LRP1B: variants seen among roughly 807,000 people sequenced by gnomAD.
LRP1B encodes the protein low-density lipoprotein receptor-related protein 1B.
Under a neutral mutation model 556.6 loss-of-function variants are expected in LRP1B, and 217 were observed. The observed-to-expected ratio is 0.39, with a 90% CI of 0.35 to 0.44. The LOEUF (loss-of-function observed/expected upper bound fraction) is 0.44. LRP1B is among the 20% of genes least tolerant of loss of function. The pLI, the probability that LRP1B is intolerant of heterozygous loss-of-function variation, is 1.00. For synonymous variants in LRP1B, 2,047 were observed against 1,865.8 expected (o/e 1.10, Z -2.50); for missense variants, 5,053 against 5,620.8 (o/e 0.90, Z 3.23).
intron 2 of LRP1B, among the ~76,000 whole-genome samples, chr2:141,743,835 G>A (rs937377526): frequency 6.6e-6 from 1 of 151,942 alleles, no homozygotes; most frequent in African/African-American, 2.4e-5. Flanking sequence ...AGTTTCTGTG[G>A]TGTCAGTTGT....
chr2:140,274,279 TACTC>T (rs1462063740), intron 85 of LRP1B, 141 bp downstream of exon 85: 2 of 660,426 alleles, frequency 3.0e-6, no homozygotes, highest in Admixed American at 5.7e-5. Flanking sequence ...GAACTAGACT[TACTC>T]TCTAATCATA....
intron 2 of LRP1B, among the ~76,000 whole-genome samples, chr2:141,654,594 T>C (rs1458170653): frequency 1.3e-5 from 2 of 151,998 alleles, no homozygotes; most frequent in East Asian, 3.9e-4. Flanking sequence ...CTTGCTTTTC[T>C]CCACAGACAT....
intron 20 of LRP1B, among the ~76,000 whole-genome samples, chr2:140,925,067 T>A (rs1439111768): frequency 1.3e-5 from 2 of 152,124 alleles, no homozygotes; most frequent in Non-Finnish European, 2.9e-5. Context: ...GTATTAGGTA[T>A]TATACATAAT....
At chr2:141,049,440 T>A (rs1443098860) in intron 10 of LRP1B, among the ~76,000 whole-genome samples, 1 of 152,146 alleles carries the variant, frequency 6.6e-6, no homozygotes, top group African/African-American at 2.4e-5. Flanking sequence ...TTATATGTAG[T>A]TAATTATCCC....
chr2:140,832,599 T>G (rs1691754604), intron 31 of LRP1B, among the ~76,000 whole-genome samples: 1 of 152,180 alleles, frequency 6.6e-6, no homozygotes, highest in Non-Finnish European at 1.5e-5. Context: ...GCAACATGCA[T>G]GGAGTGTCAG....
intron 52 of LRP1B, among the ~76,000 whole-genome samples, chr2:140,508,707 G>A (rs1451095180): frequency 6.6e-6 from 1 of 152,086 alleles, no homozygotes; most frequent in East Asian, 1.9e-4. Context: ...AAAACACTGA[G>A]CAACAGTGAC....
chr2:140,490,795 A>T (rs1688665098), intron 57 of LRP1B, among the ~76,000 whole-genome samples: 1 of 152,048 alleles, frequency 6.6e-6, no homozygotes, highest in Admixed American at 6.6e-5. Context: ...TTGGGTCTCT[A>T]TTTCCTTACT....
intron 1 of LRP1B, among the ~76,000 whole-genome samples, chr2:141,920,993 A>T (rs1011212262): frequency 6.6e-6 from 1 of 152,050 alleles, no homozygotes; most frequent in South Asian, 2.1e-4. Flanking sequence ...CTCCATGAAC[A>T]TTCCTTCATC....
chr2:141,400,257 G>A (rs543896623), intron 3 of LRP1B, among the ~76,000 whole-genome samples: 119 of 152,234 alleles, frequency 7.8e-4, no homozygotes, highest in Middle Eastern at 6.8e-3. Flanking sequence ...GGCGTTACAG[G>A]CCCCAGCCAC....
chr2:141,650,195 G>C (rs941796712), intron 2 of LRP1B, among the ~76,000 whole-genome samples: 1 of 152,090 alleles, frequency 6.6e-6, no homozygotes, highest in Non-Finnish European at 1.5e-5. Flanking sequence ...GAAAGATATA[G>C]TGTCAGGGTA....
Position 140,232,345 on chromosome 2 carries a change from A to T in LRP1B, c.*841T>A, listed in dbSNP as rs551520073. 4.6e-5 allele frequency: 7 copies of T among 151,494 alleles called. No individual in the cohort carries two copies. Among genetic ancestry groups the T allele is most frequent in the Admixed American group, 4.0e-4 (6 of 15,118 alleles). The allele number at this position is 151,494 out of a possible 1,614,324, so 9.4% of individuals were successfully genotyped here. A position where few individuals can be genotyped will look rare whatever the true frequency, so the allele number is the denominator to read the frequency against. The stretch of plus-strand genomic sequence containing the variant: ...CCACAAAATGGATGTGACTGGGAAG[A>T]AATACCTAAGATGCAAGTACCCAAT... On this transcript the variant is annotated 3_prime_UTR_variant, in exon 91 of 91. Transcript: ENST00000389484.
chr2:140,824,078 C>T (rs1338811338), intron 31 of LRP1B, among the ~76,000 whole-genome samples: 2 of 151,034 alleles, frequency 1.3e-5, no homozygotes, highest in Non-Finnish European at 3.0e-5. Context: ...TCACATGTAC[C>T]TCTGAACCTA....
intron 3 of LRP1B, among the ~76,000 whole-genome samples, chr2:141,444,582 T>A (rs1681110145): frequency 6.6e-6 from 1 of 150,602 alleles, no homozygotes; most frequent in African/African-American, 2.5e-5. Context: ...ATAGTTCTTA[T>A]TATTTTGAGA....
At chr2:140,271,134 C>T (rs935197048) in intron 85 of LRP1B, among the ~76,000 whole-genome samples, 1 of 151,382 alleles carries the variant, frequency 6.6e-6, no homozygotes, top group African/African-American at 2.4e-5. Flanking sequence ...TTTTACTTGC[C>T]ATGTTACATT....
intron 41 of LRP1B, among the ~76,000 whole-genome samples, chr2:140,642,561 G>A (rs563884301): frequency 6.6e-6 from 1 of 152,240 alleles, no homozygotes; most frequent in East Asian, 1.9e-4. Flanking sequence ...GGACTAAGAG[G>A]CCGGGCACGG....
intron 66 of LRP1B, among the ~76,000 whole-genome samples, chr2:140,407,914 A>C (rs1684813401): frequency 6.6e-6 from 1 of 152,066 alleles, no homozygotes; most frequent in African/African-American, 2.4e-5. Context: ...CACTGCAAAA[A>C]TATGGAACCA....
At chr2:140,836,588 G>C (rs933270600) in intron 31 of LRP1B, among the ~76,000 whole-genome samples, 1 of 152,062 alleles carries the variant, frequency 6.6e-6, no homozygotes, top group Non-Finnish European at 1.5e-5. Context: ...AGTGATCTAC[G>C]AACATTGCTC....
intron 1 of LRP1B, among the ~76,000 whole-genome samples, chr2:141,837,330 G>A (rs1316141528): frequency 2.0e-5 from 3 of 151,922 alleles, no homozygotes; most frequent in Admixed American, 1.3e-4. Flanking sequence ...TTTCTTTTCT[G>A]AATGTCACTT....
intron 35 of LRP1B, among the ~76,000 whole-genome samples, chr2:140,750,991 CTTTTTTTTTTTT>C (rs562658619): frequency 2.0e-5 from 2 of 98,098 alleles, no homozygotes; most frequent in African/African-American, 7.7e-5. Flanking sequence ...CTTTTTTTTT[CTTTTTTTTTTTT>C]TTTTTTGAGA....
Sources: gnomAD v4.1 joint callset for allele counts (sites outside exome capture counted in the v4.1 genomes callset) on GRCh38, gnomAD v4.1.1 for gene constraint, MANE v1.5 for transcripts, NCBI Gene and HGNC (gene_info 2026-07-23, HGNC 2026-07-21) for gene names.